IFT80: variants seen among roughly 807,000 people sequenced by gnomAD.
IFT80 encodes intraflagellar transport protein 80 homolog.
In IFT80, 79 loss-of-function variants were observed where a neutral mutation model predicts 107.9. The observed-to-expected ratio is 0.73, with a 90% CI of 0.61 to 0.88. The LOEUF (loss-of-function observed/expected upper bound fraction) is 0.88. Among genes scored for constraint, IFT80 ranks in the 40% least tolerant of loss-of-function variants. IFT80 has a pLI of 0.00. For synonymous variants in IFT80, 299 were observed against 300.9 expected (o/e 0.99, Z 0.07); for missense variants, 797 against 914.2 (o/e 0.87, Z 1.65).
At chr3:160,323,581 G>A (rs570345054) in intron 8 of IFT80, among the ~76,000 whole-genome samples, 33 of 151,914 alleles carry the variant, frequency 2.2e-4, no homozygotes, top group African/African-American at 7.5e-4. Flanking sequence ...TGAAACCAAC[G>A]AGAACAAAGA....
At chr3:160,307,265 A>T (rs1716896053) in intron 10 of IFT80, among the ~76,000 whole-genome samples, 1 of 152,138 alleles carries the variant, frequency 6.6e-6, no homozygotes, top group African/African-American at 2.4e-5. Flanking sequence ...CTCTAGTACC[A>T]GCCTCCTGAG....
At chr3:160,391,433 G>A (rs1713372933) in intron 1 of IFT80, 1 of 152,232 alleles carries the variant, frequency 6.6e-6, no homozygotes, top group Admixed American at 6.5e-5. Context: ...AGCACTTTGG[G>A]GGGCCGAGGC....
chr3:160,278,639 T>C lies in IFT80; in HGVS notation c.1836+554A>G, dbSNP rs568947370. Among the ~76,000 whole-genome samples, 7 of 152,294 alleles carry C rather than the reference T, an allele frequency of 4.6e-5. No homozygotes were observed. In the South Asian group the frequency reaches 6.2e-4, roughly 14 times the overall value. On this transcript the variant is annotated intron_variant, in intron 16 of 19. Transcript: ENST00000326448. The stretch of plus-strand genomic sequence containing the variant: ...TGTGAGATGACAAACTCCGGGTATT[T>C]ACCCCAGACAATGATGCTATTCACC...
At chr3:160,266,902 T>C (rs1291154410) in intron 19 of IFT80, among the ~76,000 whole-genome samples, 3 of 152,070 alleles carry the variant, frequency 2.0e-5, no homozygotes, top group African/African-American at 7.2e-5. Flanking sequence ...CTTAGCACTG[T>C]TTTGGTGGTG....
intron 18 of IFT80, among the ~76,000 whole-genome samples, chr3:160,270,446 AC>A (rs978969780): frequency 1.3e-5 from 2 of 152,282 alleles, no homozygotes; most frequent in African/African-American, 2.4e-5. Context: ...TATATATAAT[AC>A]AAATGGTAAT....
At chr3:160,260,968 C>T (rs540711234) in intron 19 of IFT80, among the ~76,000 whole-genome samples, 3 of 152,166 alleles carry the variant, frequency 2.0e-5, no homozygotes, top group Admixed American at 6.5e-5. Flanking sequence ...CCTGTATCTA[C>T]ACCCATCATT....
intron 1 of IFT80, among the ~76,000 whole-genome samples, chr3:160,390,781 T>C (rs1713324368): frequency 6.6e-6 from 1 of 152,210 alleles, no homozygotes; most frequent in Admixed American, 6.5e-5. Context: ...GTGGCTATTA[T>C]AATATCATCA....
intron 5 of IFT80, among the ~76,000 whole-genome samples, chr3:160,371,739 G>A (rs940077671): frequency 6.6e-6 from 1 of 152,170 alleles, no homozygotes; most frequent in Non-Finnish European, 1.5e-5. Flanking sequence ...ACTGTGCCCA[G>A]CCACAATTAC....
rs1429502931 is a variant in IFT80 at position 160,268,435 on chromosome 3, C to T, written c.2201G>A (p.Arg734Gln). The change falls in exon 19 of 20, where the codon CGA (arginine) becomes CAA (glutamine). Residue 734 changes from arginine to glutamine, a missense_variant. Transcript: ENST00000326448. ...TACACCTTCTGCATAATGCAAGTAT[C>T]GTTTATTAGTTTCCTGTTTACCAAA... ...ETFGKQETNK[R>Q]YLHYAEGLQI... 2.5e-6 allele frequency: 4 copies of T among 1,612,848 alleles called. No homozygotes were observed. The highest frequency in any genetic ancestry group is 1.7e-5 in the Admixed American group (1 of 60,006).
At chr3:160,332,836 C>G (rs1483753044) in intron 8 of IFT80, among the ~76,000 whole-genome samples, 1 of 152,182 alleles carries the variant, frequency 6.6e-6, no homozygotes, top group African/African-American at 2.4e-5. Flanking sequence ...AGTATCTTCT[C>G]ATTACCTATT....
intron 8 of IFT80, among the ~76,000 whole-genome samples, chr3:160,341,636 T>C (rs1410555949): frequency 6.6e-6 from 1 of 152,112 alleles, no homozygotes; most frequent in East Asian, 1.9e-4. Flanking sequence ...GTCTCAGCCT[T>C]ACTGCTCTCT....
At chr3:160,278,839 G>A (rs977575464) in intron 16 of IFT80, among the ~76,000 whole-genome samples, 8 of 152,088 alleles carry the variant, frequency 5.3e-5, no homozygotes, top group African/African-American at 1.9e-4. Context: ...AACCTTAGCT[G>A]TACAAAACAA....
intron 12 of IFT80, among the ~76,000 whole-genome samples, chr3:160,287,954 A>G (rs1305084290): frequency 2.6e-5 from 4 of 152,222 alleles, no homozygotes; most frequent in South Asian, 2.1e-4. Flanking sequence ...AAATCATGAA[A>G]AAGACTAAAA....
intron 19 of IFT80, among the ~76,000 whole-genome samples, chr3:160,263,471 A>T (rs1474406024): frequency 6.6e-6 from 1 of 152,108 alleles, no homozygotes; most frequent in Non-Finnish European, 1.5e-5. Context: ...AGACCTTTCA[A>T]TGACTTTTCC....
At chr3:160,356,813 A>G (rs988536317) in intron 7 of IFT80, among the ~76,000 whole-genome samples, 1 of 152,088 alleles carries the variant, frequency 6.6e-6, no homozygotes, top group African/African-American at 2.4e-5. Flanking sequence ...GAGCTACCAT[A>G]CCTAGCTTGC....
At chr3:160,283,972 C>T (rs536924838) in intron 13 of IFT80, among the ~76,000 whole-genome samples, 4 of 152,138 alleles carry the variant, frequency 2.6e-5, no homozygotes, top group African/African-American at 4.8e-5. Context: ...TATTCATTTA[C>T]TAATACACAG....
chr3:160,384,996 T>C (rs1322338892), intron 1 of IFT80, among the ~76,000 whole-genome samples: 1 of 152,230 alleles, frequency 6.6e-6, no homozygotes, highest in East Asian at 1.9e-4. Flanking sequence ...TGGTCCTGTC[T>C]ATTGGATACA....
intron 10 of IFT80, among the ~76,000 whole-genome samples, chr3:160,305,499 T>C (rs1716772625): frequency 1.3e-5 from 2 of 152,170 alleles, no homozygotes; most frequent in Non-Finnish European, 2.9e-5. Context: ...CTAACCTTCA[T>C]TCTTTGTCAA....
chr3:160,300,782 C>T (rs1054507186), intron 12 of IFT80, 101 bp downstream of exon 12: 1 of 876,734 alleles, frequency 1.1e-6, no homozygotes, highest in African/African-American at 1.7e-5. Context: ...TTCTATAAAG[C>T]TGATGTACTG....
Sources: gnomAD v4.1 joint callset for allele counts (sites outside exome capture counted in the v4.1 genomes callset) on GRCh38, gnomAD v4.1.1 for gene constraint, MANE v1.5 for transcripts, NCBI Gene and HGNC (gene_info 2026-07-23, HGNC 2026-07-21) for gene names.